ABCA2: variants seen among roughly 807,000 people sequenced by gnomAD.
The protein encoded by ABCA2 is ATP binding cassette subfamily A member 2, also known as ATP-binding cassette sub-family A member 2.
In ABCA2, 84 loss-of-function variants were observed where a neutral mutation model predicts 262.8. The ratio of observed to expected loss-of-function variants is 0.32; its 90% confidence interval spans 0.27 to 0.38. The LOEUF (loss-of-function observed/expected upper bound fraction) is 0.38. Among genes scored for constraint, ABCA2 ranks in the 10% least tolerant of loss-of-function variants. The pLI is 1.00. For missense variants in ABCA2, 2,662 were observed against 3,405.9 expected, an observed-to-expected ratio of 0.78 and a Z score of 5.44; for synonymous variants, 1,696 against 1,502.9, an observed-to-expected ratio of 1.13 and a Z score of -2.97.
At position 137,015,779 on chromosome 9, in the gene ABCA2, G is replaced by T; in HGVS notation, c.3410C>A (p.Ala1137Asp). The T allele has an allele frequency of 1.2e-6, 2 of 1,612,436 alleles. No homozygotes were observed. The highest frequency in any genetic ancestry group is 1.7e-6 in the Non-Finnish European group (2 of 1,179,844). Residue 1137 changes from alanine (A) to aspartate (D), a missense_variant, in exon 23 of 49, where the codon GCC (alanine) becomes GAC (aspartate). By Grantham distance (126) the Ala-to-Asp change is moderately radical (BLOSUM62 -2). Transcript: ENST00000341511. ...GMKRKLSVAI[A>D]FVGGSRAIIL... ...GATGGCGCGAGAGCCGCCCACGAAGGCGATGGCCACGGACAGCTTGCGCTT... is the reference window on the plus strand; with the variant it reads ...GATGGCGCGAGAGCCGCCCACGAAGTCGATGGCCACGGACAGCTTGCGCTT...
In ABCA2 at chr9:137,008,860, G is replaced by T; in HGVS notation, c.6939C>A (p.His2313Gln). Residue 2313 changes from histidine to glutamine, a missense_variant, in exon 47 of 49, where the codon CAC becomes CAA. Physicochemically the swap from His to Gln is conservative, Grantham distance 24. Transcript: ENST00000341511. The stretch of plus-strand genomic sequence containing the variant: ...TGAGCTGGTACTGCACCTTTGTGTG[G>T]TGCCGCTCCTGCAGGGGGGGAGGTC... Reference protein sequence around the residue: ...NFPEAMLKERHHTKVQYQLKS... With the variant: ...NFPEAMLKERQHTKVQYQLKS... The T allele has an allele frequency of 6.2e-7, 1 of 1,604,532 alleles. No homozygotes were observed.
Position 137,016,374 on chromosome 9 carries a change from G to T in ABCA2, c.3021C>A (p.Ala1007=), listed in dbSNP as rs370247136. Residue 1007 remains alanine (A), a synonymous_variant, in exon 21 of 49, where the codon GCC becomes GCA. Transcript: ENST00000341511. Reference sequence around the variant, plus strand: ...AGAGGTTCAGGCTCAGCTTGTTCAGGGCCAGCTTCTTGTCGTCCTTGTAGA... The same window carrying T: ...AGAGGTTCAGGCTCAGCTTGTTCAGTGCCAGCTTCTTGTCGTCCTTGTAGA... ...TKVYKDDKKL[A]LNKLSLNLYE... The T allele has an allele frequency of 6.2e-7, 1 of 1,612,928 alleles. No homozygotes were observed.
Position 137,020,353 on chromosome 9 carries a change from C to T in ABCA2, c.1408G>A (p.Asp470Asn). 4 of 1,612,746 alleles carry T rather than the reference C, an allele frequency of 2.5e-6. No homozygotes were observed. The highest frequency in any genetic ancestry group is 1.3e-5 in the African/African-American group (1 of 75,034). ...ILYAPAGSEV[D>N]RVILKANETF... ...CCGTGCACCTTGAGGATGACGCGGTCGACCTCAGAGCCCGCAGGCGCGTAC... is the reference window on the plus strand; with the variant it reads ...CCGTGCACCTTGAGGATGACGCGGTTGACCTCAGAGCCCGCAGGCGCGTAC... Residue 470 changes from aspartate to asparagine, a missense_variant, in exon 10 of 49, where the codon GAC becomes AAC. This residue lies in a region of ABCA2 where 92 missense variants were observed against 146.7 expected (regional missense o/e 0.63). Transcript: ENST00000341511.
chr9:137,007,570 G>A lies in ABCA2; in HGVS notation c.*359C>T. The A allele has an allele frequency of 2.7e-6, 1 of 372,270 alleles. No homozygotes were observed. The highest frequency in any genetic ancestry group is 2.9e-5 in the South Asian group (1 of 35,066). The allele number at this position is 372,270 out of a possible 1,614,324, so 23.1% of individuals were successfully genotyped here. Reference sequence around the variant, plus strand: ...GCCTTCATCGTAAGAGAGAAAAGCTGGTTCCGAGGCCGGGCAGGAGAAAGG... The same window carrying A: ...GCCTTCATCGTAAGAGAGAAAAGCTAGTTCCGAGGCCGGGCAGGAGAAAGG... On this transcript the variant is annotated 3_prime_UTR_variant, in exon 49 of 49. Coordinates refer to ENST00000341511, the MANE Select transcript of ABCA2 (RefSeq NM_001606.5).
chr9:137,015,940 G>GCT, intron 22 of ABCA2, 22 bp downstream of exon 22: 1 of 1,053,452 alleles, frequency 9.5e-7, no homozygotes, highest in African/African-American at 3.0e-5. Flanking sequence ...CACCTGCCCC[G>GCT]CCCCCCGCCC....
At chr9:137,015,205 G>T in intron 24 of ABCA2, 108 bp from the exon 25 acceptor site, 1 of 1,312,698 alleles carries the variant, frequency 7.6e-7, no homozygotes, top group Non-Finnish European at 1.0e-6. Flanking sequence ...GGAAGAACCA[G>T]GCCCCAGCAG....
intron 9 of ABCA2, 30 bp downstream of exon 9, chr9:137,020,664 C>T: frequency 1.3e-6 from 2 of 1,596,238 alleles, no homozygotes; most frequent in African/African-American, 1.3e-5. Flanking sequence ...GGCTGTCCTC[C>T]TCACCCCCAT....
In ABCA2 at chr9:137,011,955, G is replaced by A. The variant is rs773269345; in HGVS notation, c.5424C>T (p.Ala1808=). ...FIIVAMSFVP[A]SFVVFLVAEK... ...CGGCCACGAGGAAGACAACGAAGCT[G>A]GCCGGCACGAAGGACATGGCCACGA... The change falls in exon 35 of 49, where the codon GCC becomes GCT. Residue 1808 remains alanine (A), a synonymous_variant. Transcript: ENST00000341511. The surrounding 1 kb of genome is among the most constrained non-coding windows in gnomAD (Gnocchi z 8.8). 2.5e-6 allele frequency: 4 copies of A among 1,612,718 alleles called. No homozygotes were observed. In the South Asian group the frequency reaches 3.3e-5, roughly 13 times the overall value.
In ABCA2 at chr9:137,010,209, A is replaced by G. The variant is rs781333352; in HGVS notation, c.6337T>C (p.Phe2113Leu). The change falls in exon 41 of 49, where the codon TTC becomes CTC. Residue 2113 changes from phenylalanine to leucine, a missense_variant. Physicochemically the swap from Phe to Leu is conservative, Grantham distance 22. This residue lies in a region of ABCA2 where 602 missense variants were observed against 897.4 expected (regional missense o/e 0.67). Transcript: ENST00000341511. ...GDESTTGGEA[F>L]VNGHSVLKEL... is the part of the protein sequence containing the mutation. Reference sequence around the variant, plus strand: ...CCGCCCCACCTGTGTCCATTGACGAAGGCCTCGCCCCCCGTCGTGCTCTCG... The same window carrying G: ...CCGCCCCACCTGTGTCCATTGACGAGGGCCTCGCCCCCCGTCGTGCTCTCG... The G allele has an allele frequency of 1.9e-6, 3 of 1,604,308 alleles. No individual in the cohort carries two copies. The highest frequency in any genetic ancestry group is 1.7e-6 in the Non-Finnish European group (2 of 1,178,500).
At position 137,011,020 on chromosome 9, in the gene ABCA2, G is replaced by C; in HGVS notation, c.6009C>G (p.Gly2003=). The C allele has an allele frequency of 1.2e-6, 2 of 1,608,408 alleles. No individual in the cohort carries two copies. The highest frequency in any genetic ancestry group is 1.7e-6 in the Non-Finnish European group (2 of 1,178,514). The change falls in exon 39 of 49, where the codon GGC becomes GGG. Residue 2003 remains glycine, a synonymous_variant. Transcript: ENST00000341511. The surrounding 1 kb of genome is among the most constrained non-coding windows in gnomAD (Gnocchi z 8.8). ...ACTGGCACATGATGGTCAGGAGGAA[G>C]CCCACGACGCCCTCAACCGCCATGG... The part of the protein sequence containing the change: ...LVAMAVEGVV[G]FLLTIMCQYN...
chr9:137,018,699 G>A lies in ABCA2; in HGVS notation c.1819+20C>T, dbSNP rs1279258499. On this transcript the variant is annotated intron_variant, in intron 13 of 48. Transcript: ENST00000341511. Reference sequence around the variant, plus strand: ...AAGAGGTCTGTGGGGGGCTGGGGCGGGGCGGGGAGGGCAGCTCACTGGCAA... The same window carrying A: ...AAGAGGTCTGTGGGGGGCTGGGGCGAGGCGGGGAGGGCAGCTCACTGGCAA... 1.3e-6 allele frequency: 2 copies of A among 1,595,608 alleles called. No homozygotes were observed. The highest frequency in any genetic ancestry group is 2.2e-5 in the South Asian group (2 of 90,066).
chr9:137,017,250 C>T lies in ABCA2; in HGVS notation c.2499G>A (p.Ala833=), dbSNP rs780785580. The part of the protein sequence containing the change: ...FLSYVPYMYV[A]IREEVAHDKI... ...TATCATGCGCCACCTCCTCTCGGAT[C>T]GCCACGTACATGTAGGGCACGTAGC... The change falls in exon 18 of 49, where the codon GCG becomes GCA. Residue 833 remains alanine (A), a synonymous_variant. Coordinates refer to ENST00000341511, the MANE Select transcript of ABCA2 (RefSeq NM_001606.5). The T allele has an allele frequency of 9.3e-6, 15 of 1,612,546 alleles. No homozygotes were observed. Among genetic ancestry groups the T allele is most frequent in the Admixed American group, 1.7e-5 (1 of 59,994 alleles).
At position 137,012,874 on chromosome 9, in the gene ABCA2, CG is replaced by C; in HGVS notation, c.4918del (p.Arg1640AlafsTer32). The C allele has an allele frequency of 6.3e-7, 1 of 1,585,712 alleles. No individual in the cohort carries two copies. Among genetic ancestry groups the C allele is most frequent in the Non-Finnish European group, 8.6e-7 (1 of 1,164,256 alleles). ...SLPRLVREPV[R>X]CTCSAQGTGF... ...GGTGCCCTGCGCAGAGCAGGTGCAG[CG>C]GACGGGCTCCCGTACCAGGCGCGGC... On this transcript the variant is annotated frameshift_variant, in exon 31 of 49. Transcript: ENST00000341511. LOFTEE classifies it high-confidence loss of function.
chr9:137,021,642 G>C lies in ABCA2; in HGVS notation c.679-32C>G, dbSNP rs965085600. 6.5e-7 allele frequency: 1 copy of C among 1,536,420 alleles called. No homozygotes were observed. On this transcript the variant is annotated intron_variant, in intron 7 of 48. Transcript: ENST00000341511. The surrounding 1 kb of genome is among the most constrained non-coding windows in gnomAD (Gnocchi z 6.0). ...TGGGCACAGGGGTCCGTGGAGCCAC[G>C]GCAAGGACTTTGTCCCCAACCACTA...
At chr9:137,014,864 G>T (rs201636797) in intron 25 of ABCA2, 49 bp downstream of exon 25, 2 of 1,576,440 alleles carry the variant, frequency 1.3e-6, no homozygotes, top group Non-Finnish European at 1.7e-6. Flanking sequence ...GCAGGAGTGC[G>T]CCCACCTCCA....
Position 137,014,402 on chromosome 9 carries a change from C to T in ABCA2, c.4006G>A (p.Val1336Met). Residue 1336 changes from valine (V) to methionine (M), a missense_variant and splice_region_variant, in exon 27 of 49, where the codon GTG becomes ATG. This residue lies in a region of ABCA2 where 297 missense variants were observed against 286.5 expected (regional missense o/e 1.04). Transcript: ENST00000341511. ...AGCACATCCTTCCTGGACTCCTTCA[C>T]ATCTGCCGCAGTGGAAGGGCCGAGG... ...DQSLENSEAD[V>M]KESRKDVLPG... The T allele has an allele frequency of 6.3e-7, 1 of 1,586,646 alleles. No homozygotes were observed. The highest frequency in any genetic ancestry group is 8.6e-7 in the Non-Finnish European group (1 of 1,167,434).
rs766625935 is a variant in ABCA2, at chr9:137,010,386, G to A, written c.6175-15C>T. On this transcript the variant is annotated splice_polypyrimidine_tract_variant and intron_variant, in intron 40 of 48. Transcript: ENST00000341511. Reference sequence around the variant, plus strand: ...GACTTGTAGACCTGGCCAGGAGCCTGCCCACTCAGCGGGGCATCCTGCCCC... The same window carrying A: ...GACTTGTAGACCTGGCCAGGAGCCTACCCACTCAGCGGGGCATCCTGCCCC... 1.5e-5 allele frequency: 24 copies of A among 1,557,356 alleles called. No individual in the cohort carries two copies. In the Admixed American group the frequency reaches 1.9e-4, roughly 13 times the overall value.
At chr9:137,022,057 T>C in intron 6 of ABCA2, 56 bp from the exon 7 acceptor site, 2 of 146,848 alleles carry the variant, frequency 1.4e-5, no homozygotes, top group South Asian at 2.2e-4. Context: ...GCTCAGATGG[T>C]GGGGGCGTGG....
chr9:137,008,206 G>T (rs1830900315), intron 48 of ABCA2: 1 of 805,884 alleles, frequency 1.2e-6, no homozygotes, highest in Non-Finnish European at 2.1e-6. Context: ...CTTGCTCTGT[G>T]CCCCTCAAAG....
Sources: gnomAD v4.1 joint callset for allele counts on GRCh38, gnomAD v4.1.1 for gene constraint, gnomAD v4.1.1 regional missense constraint, Gnocchi (gnomAD v3.1) non-coding constraint, MANE v1.5 for transcripts, NCBI Gene and HGNC (gene_info 2026-07-23, HGNC 2026-07-21) for gene names.